LMX1A: variants seen among roughly 807,000 people sequenced by gnomAD.
LMX1A encodes the protein LIM homeobox transcription factor 1 alpha, also known as LIM homeobox transcription factor 1-alpha.
Under a neutral mutation model 49.1 loss-of-function variants are expected in LMX1A, and 15 were observed. The observed-to-expected ratio is 0.31, with a 90% CI of 0.20 to 0.47. LMX1A has a LOEUF of 0.47. Among genes scored for constraint, LMX1A ranks in the 20% least tolerant of loss-of-function variants. The pLI is 1.00. For missense variants in LMX1A, 372 were observed against 475.8 expected (o/e 0.78, Z 2.03); for synonymous variants, 167 against 185.7 (o/e 0.90, Z 0.82).
In LMX1A at chr1:165,286,843, C is replaced by T. The variant is rs185379711; in HGVS notation, c.264-37203G>A. Among the ~76,000 whole-genome samples the T allele has an allele frequency of 2.6e-3, 390 of 152,172 alleles. 2 individuals are homozygous for T. The highest frequency in any genetic ancestry group is 8.3e-3 in the African/African-American group (345 of 41,504). On this transcript the variant is annotated intron_variant, in intron 3 of 8. Coordinates refer to ENST00000342310, the MANE Select transcript of LMX1A (RefSeq NM_177398.4). Reference sequence around the variant, plus strand: ...AGAGGTGTTCTGAGCATTTACAAGACTGTATCTGGAAATAATTAGAAAAAA... The same window carrying T: ...AGAGGTGTTCTGAGCATTTACAAGATTGTATCTGGAAATAATTAGAAAAAA...
chr1:165,329,543 C>G (rs35537661), intron 3 of LMX1A, among the ~76,000 whole-genome samples: 11,315 of 152,042 alleles, frequency 0.074, 608 homozygotes, highest in South Asian at 0.2. Context: ...AATTGAACAT[C>G]CCCACTAAAT....
chr1:165,292,049 G>A lies in LMX1A; in HGVS notation c.264-42409C>T, dbSNP rs534312347. Among the ~76,000 whole-genome samples the A allele has an allele frequency of 9.9e-3, 1,027 of 104,218 alleles. 2 individuals are homozygous for A. Among genetic ancestry groups the A allele is most frequent in the African/African-American group, 0.021 (610 of 29,024 alleles). 68.4% of individuals were successfully genotyped at this position (104,218 alleles called of 152,430 possible). On this transcript the variant is annotated intron_variant, in intron 3 of 8. Coordinates refer to ENST00000342310, the MANE Select transcript of LMX1A (RefSeq NM_177398.4). ...TGCACTCCAGCCTGGGCGACAGAGCGAAACTCCGTCTCAAAAAAAAAAAAA... is the reference window on the plus strand; with the variant it reads ...TGCACTCCAGCCTGGGCGACAGAGCAAAACTCCGTCTCAAAAAAAAAAAAA...
At chr1:165,277,579 C>T (rs1216622178) in intron 3 of LMX1A, among the ~76,000 whole-genome samples, 3 of 152,174 alleles carry the variant, frequency 2.0e-5, no homozygotes. Flanking sequence ...TTGTGCAAAG[C>T]ACCTGACTGC....
intron 4 of LMX1A, among the ~76,000 whole-genome samples, chr1:165,230,040 G>C (rs1244672602): frequency 6.6e-6 from 1 of 152,154 alleles, no homozygotes; most frequent in African/African-American, 2.4e-5. Flanking sequence ...CCTTTTAAAG[G>C]AACTCCAGAG....
At chr1:165,272,832 C>T (rs1334371437) in intron 3 of LMX1A, among the ~76,000 whole-genome samples, 1 of 152,044 alleles carries the variant, frequency 6.6e-6, no homozygotes, top group Non-Finnish European at 1.5e-5. Context: ...CTAACAAGGC[C>T]CTCAGCCTAG....
chr1:165,287,964 G>A (rs964219120), intron 3 of LMX1A, among the ~76,000 whole-genome samples: 4 of 152,182 alleles, frequency 2.6e-5, no homozygotes, highest in Non-Finnish European at 4.4e-5. Flanking sequence ...TATAGTTTCA[G>A]AGCCAGATTG....
rs188700811 is a variant in LMX1A at position 165,333,305 on chromosome 1, G to T, written c.263+19771C>A. Reference sequence around the variant, plus strand: ...CCCGAGTAGCTGGGATTACAGGCATGTGCCACCACGCCCGGCTAATTTTTT... The same window carrying T: ...CCCGAGTAGCTGGGATTACAGGCATTTGCCACCACGCCCGGCTAATTTTTT... On this transcript the variant is annotated intron_variant, in intron 3 of 8. Coordinates refer to ENST00000342310, the MANE Select transcript of LMX1A (RefSeq NM_177398.4). Among the ~76,000 whole-genome samples the T allele has an allele frequency of 8.1e-3, 1,231 of 152,246 alleles. 7 individuals are homozygous for T. Among genetic ancestry groups the T allele is most frequent in the Non-Finnish European group, 0.012 (830 of 68,020 alleles).
intron 3 of LMX1A, among the ~76,000 whole-genome samples, chr1:165,266,841 T>C (rs1263147546): frequency 6.6e-6 from 1 of 152,116 alleles, no homozygotes; most frequent in East Asian, 1.9e-4. Context: ...GACCTCATGA[T>C]CCGCCTGCCT....
chr1:165,261,238 T>A (rs1409882787), intron 3 of LMX1A, among the ~76,000 whole-genome samples: 1 of 152,218 alleles, frequency 6.6e-6, no homozygotes, highest in African/African-American at 2.4e-5. Flanking sequence ...TCTTGTTTCT[T>A]GATTTTTAAA....
chr1:165,297,982 A>C (rs1295954231), intron 3 of LMX1A, among the ~76,000 whole-genome samples: 1 of 152,244 alleles, frequency 6.6e-6, no homozygotes, highest in Non-Finnish European at 1.5e-5. Context: ...ATTAAAAGTT[A>C]ATTCTTGTTT....
At chr1:165,238,026 A>T (rs554425985) in intron 4 of LMX1A, among the ~76,000 whole-genome samples, 1 of 152,338 alleles carries the variant, frequency 6.6e-6, no homozygotes, top group East Asian at 1.9e-4. Flanking sequence ...GCATGTCCAG[A>T]GAATGCAATC....
chr1:165,234,048 C>T (rs1215229905), intron 4 of LMX1A, among the ~76,000 whole-genome samples: 1 of 152,194 alleles, frequency 6.6e-6, no homozygotes, highest in Non-Finnish European at 1.5e-5. Context: ...AATAACATCA[C>T]AATCCTGTTT....
intron 4 of LMX1A, among the ~76,000 whole-genome samples, 196 bp from the exon 5 acceptor site, chr1:165,214,009 C>A (rs1651540083): frequency 6.6e-6 from 1 of 152,182 alleles, no homozygotes; most frequent in Admixed American, 6.5e-5. Flanking sequence ...AGACAGGCAG[C>A]AGAAAGTCCA....
chr1:165,255,342 TG>T (rs1653199985), intron 3 of LMX1A, among the ~76,000 whole-genome samples: 1 of 152,208 alleles, frequency 6.6e-6, no homozygotes. Context: ...AAATAGAGGT[TG>T]GCTGAAATGC....
At chr1:165,242,097 A>G (rs1302527353) in intron 4 of LMX1A, among the ~76,000 whole-genome samples, 1 of 152,246 alleles carries the variant, frequency 6.6e-6, no homozygotes, top group Non-Finnish European at 1.5e-5. Context: ...CAATATGAAC[A>G]GGACAAAGTG....
intron 3 of LMX1A, among the ~76,000 whole-genome samples, chr1:165,351,252 C>T (rs1656419059): frequency 6.6e-6 from 1 of 152,006 alleles, no homozygotes; most frequent in Non-Finnish European, 1.5e-5. Flanking sequence ...TAGTGTTGTG[C>T]CTGAAGGATG....
intron 2 of LMX1A, among the ~76,000 whole-genome samples, 187 bp from the exon 3 acceptor site, chr1:165,353,449 A>G (rs1350636013): frequency 1.3e-5 from 2 of 152,042 alleles, no homozygotes; most frequent in African/African-American, 4.8e-5. Flanking sequence ...TTTCTAATAA[A>G]CGGAGACTAT....
chr1:165,292,211 A>C (rs1654496528), intron 3 of LMX1A, among the ~76,000 whole-genome samples: 2 of 152,240 alleles, frequency 1.3e-5, no homozygotes, highest in Non-Finnish European at 1.5e-5. Context: ...AGAATTTGGA[A>C]TCATGTTCCA....
chr1:165,346,189 T>A (rs1656239890), intron 3 of LMX1A, among the ~76,000 whole-genome samples: 1 of 152,286 alleles, frequency 6.6e-6, no homozygotes, highest in East Asian at 1.9e-4. Flanking sequence ...GATAGGCAGA[T>A]CTATCTATCA....
Sources: allele counts gnomAD v4.1 joint callset (sites outside exome capture counted in the v4.1 genomes callset), GRCh38; gene constraint gnomAD v4.1.1; transcripts MANE v1.5; gene names NCBI Gene and HGNC (gene_info 2026-07-23, HGNC 2026-07-21).